Variants in SHE observed in about 807,000 individuals in gnomAD.
The protein encoded by SHE is Src homology 2 domain containing E.
SHE carries 11 observed loss-of-function variants against 49.8 expected under a neutral mutation model. The observed-to-expected ratio is 0.22, with a 90% CI of 0.14 to 0.37. The LOEUF (loss-of-function observed/expected upper bound fraction) is 0.37, where lower values mean the gene tolerates loss of function less well. SHE is among the 10% of genes least tolerant of loss of function. The probability of loss-of-function intolerance (pLI) is 1.00; values close to 1 mark genes in which losing one functional copy is unlikely to be tolerated. For missense variants in SHE, 624 were observed against 655.5 expected, an observed-to-expected ratio of 0.95 and a Z score of 0.52; for synonymous variants, 310 against 278.1, an observed-to-expected ratio of 1.11 and a Z score of -1.14.
Position 154,486,508 on chromosome 1 carries a change from A to G in SHE, c.1181+19T>C, listed in dbSNP as rs1692186837. ...CTCCCAGCTGTTGTCTGTTACAAGG[A>G]TCTGAGGAGGAGACTCACGGCTGCT... On this transcript the variant is annotated intron_variant, in intron 4 of 5. Coordinates refer to ENST00000304760, the MANE Select transcript of SHE (RefSeq NM_001010846.3). The G allele has an allele frequency of 6.2e-7, 1 of 1,613,272 alleles. No homozygotes were observed. The highest frequency in any genetic ancestry group is 1.3e-5 in the African/African-American group (1 of 74,910).
At position 154,482,603 on chromosome 1, in the gene SHE, A is replaced by C; in HGVS notation, c.*1546T>G. 1.0e-6 allele frequency: 1 copy of C among 985,444 alleles called. No homozygotes were observed. The allele number at this position is 985,444 out of a possible 1,614,324, so 61.0% of individuals were successfully genotyped here. On this transcript the variant is annotated 3_prime_UTR_variant, in exon 6 of 6. Transcript: ENST00000304760. ...ATGGGGCAGTTTTGAGACCCAAATG[A>C]CCAACCCCAGAATACAGACACATCT... is the stretch of plus-strand genomic sequence containing the variant.
intron 2 of SHE, among the ~76,000 whole-genome samples, chr1:154,490,827 T>C (rs1465122957): frequency 6.6e-6 from 1 of 151,626 alleles, no homozygotes; most frequent in African/African-American, 2.4e-5. Flanking sequence ...ATAACAATTA[T>C]ATTTGTGTTT....
rs1346360205 is a variant in SHE at position 154,489,125 on chromosome 1, T to C, written c.950A>G (p.Asn317Ser). The C allele has an allele frequency of 6.2e-7, 1 of 1,613,600 alleles. No individual in the cohort carries two copies. The highest frequency in any genetic ancestry group is 1.7e-5 in the Admixed American group (1 of 59,962). Residue 317 changes from asparagine (N) to serine (S), a missense_variant, in exon 3 of 6, where the codon AAC becomes AGC. Asn to Ser is a conservative substitution (Grantham distance 46, BLOSUM62 1). Coordinates refer to ENST00000304760, the MANE Select transcript of SHE (RefSeq NM_001010846.3). The part of the protein sequence containing the change: ...ARPPDSRLPE[N>S]DERPAAEYEQ... ...GTACTCTGCCGCGGGCCTCTCGTCG[T>C]TCTCGGGCAGCCGGCTGTCTGGGGG...
At chr1:154,471,706 T>TGA (rs10633891) in intron 1 of SHE, among the ~76,000 whole-genome samples, 5 of 151,020 alleles carry the variant, frequency 3.3e-5, no homozygotes, top group Non-Finnish European at 5.9e-5. Context: ...TCTCTCTCTC[T>TGA]GTGTGTGTGT....
At chr1:154,486,108 A>G in intron 4 of SHE, 46 bp from the exon 5 acceptor site, 1 of 1,595,540 alleles carries the variant, frequency 6.3e-7, no homozygotes, top group Non-Finnish European at 8.6e-7. Context: ...GAGTGTCAAA[A>G]TACAAATCCA....
chr1:154,501,350 C>T, intron 1 of SHE, 86 bp downstream of exon 1: 9 of 1,294,698 alleles, frequency 7.0e-6, no homozygotes, highest in Non-Finnish European at 8.7e-6. Flanking sequence ...CTCACTGCCT[C>T]TTAGGTCTAA....
intron 3 of SHE, among the ~76,000 whole-genome samples, chr1:154,487,545 CTCAAA>C (rs954616872): frequency 1.3e-5 from 2 of 151,792 alleles, no homozygotes; most frequent in Non-Finnish European, 2.9e-5. Flanking sequence ...GAGATGACAA[CTCAAA>C]TCAAACGAAA....
In SHE at chr1:154,499,677, G is replaced by A. The variant is rs1473645291; in HGVS notation, c.592-439C>T. ...TAATGAGTCAGTCAGTCATCCACCA[G>A]CACTGGCTAGGCACTGTGAAGGAGT... On this transcript the variant is annotated intron_variant, in intron 1 of 5. Coordinates refer to ENST00000304760, the MANE Select transcript of SHE (RefSeq NM_001010846.3). Among the ~76,000 whole-genome samples, 6 of 152,226 alleles carry A rather than the reference G, an allele frequency of 3.9e-5. No homozygotes were observed. The South Asian group carries it at 1.2e-3, about 32-fold the overall frequency.
downstream of SHE, among the ~76,000 whole-genome samples, chr1:154,477,690 A>C (rs868414803): frequency 3.3e-5 from 5 of 152,238 alleles, no homozygotes; most frequent in South Asian, 1.0e-3. Flanking sequence ...CAGGAGTTTG[A>C]GACCAGCCTG....
Position 154,502,202 on chromosome 1 carries a change from G to T in SHE, c.-176C>A. 2.7e-6 allele frequency: 1 copy of T among 369,410 alleles called. No homozygotes were observed. The highest frequency in any genetic ancestry group is 7.1e-5 in the East Asian group (1 of 14,004). 22.9% of individuals were successfully genotyped at this position (369,410 alleles called of 1,614,324 possible). A position where few individuals can be genotyped will look rare whatever the true frequency, so the allele number is the denominator to read the frequency against. On this transcript the variant is annotated 5_prime_UTR_variant, in exon 1 of 6. Transcript: ENST00000304760. Reference sequence around the variant, plus strand: ...GCAGGCGACAGGCACGACGCGCGGGGGGCCCCGCCCGGGCTCGTCTTCAAC... The same window carrying T: ...GCAGGCGACAGGCACGACGCGCGGGTGGCCCCGCCCGGGCTCGTCTTCAAC...
chr1:154,497,136 G>A (rs1465048102), intron 2 of SHE, among the ~76,000 whole-genome samples: 1 of 152,200 alleles, frequency 6.6e-6, no homozygotes, highest in Non-Finnish European at 1.5e-5. Flanking sequence ...CCCACACGGA[G>A]GGCCTTATCT....
chr1:154,502,053 G>A lies in SHE; in HGVS notation c.-27C>T. The A allele has an allele frequency of 1.6e-6, 2 of 1,264,522 alleles. No individual in the cohort carries two copies. Among genetic ancestry groups the A allele is most frequent in the Non-Finnish European group, 2.0e-6 (2 of 1,008,050 alleles). 78.3% of individuals were successfully genotyped at this position (1,264,522 alleles called of 1,614,324 possible). A position where few individuals can be genotyped will look rare whatever the true frequency, so the allele number is the denominator to read the frequency against. On this transcript the variant is annotated 5_prime_UTR_variant, in exon 1 of 6. Coordinates refer to ENST00000304760, the MANE Select transcript of SHE (RefSeq NM_001010846.3). ...CCCCGTGACTGGGGCGCTGGAGGCC[G>A]CGGCGAGGCCCCGCGACGGCTGCTC... is the stretch of plus-strand genomic sequence containing the variant.
At position 154,470,344 on chromosome 1, in the gene SHE, GGA is replaced by G; in HGVS notation, c.119_120del (p.Ser41LeufsTer14). 1 of 1,289,230 alleles carries G rather than the reference GGA, an allele frequency of 7.8e-7. No individual in the cohort carries two copies. Among genetic ancestry groups the G allele is most frequent in the Non-Finnish European group, 1.0e-6 (1 of 988,714 alleles). 79.9% of individuals were successfully genotyped at this position (1,289,230 alleles called of 1,614,324 possible). A position where few individuals can be genotyped will look rare whatever the true frequency, so the allele number is the denominator to read the frequency against. On this transcript the variant is annotated frameshift_variant, in exon 2 of 2. Transcript: ENST00000486773. LOFTEE classifies it high-confidence loss of function. ...ACGGTGCTCTTTCCAGAAGAACTTA[GGA>G]GAGCAGATGGTGATTTCTGTAGAGG...
intron 2 of SHE, among the ~76,000 whole-genome samples, chr1:154,491,145 C>A (rs1021012860): frequency 1.9e-4 from 29 of 152,252 alleles, no homozygotes; most frequent in African/African-American, 5.8e-4. Context: ...CATCAGGAAG[C>A]CTTCAAACCA....
Position 154,489,149 on chromosome 1 carries a change from G to A in SHE, c.926C>T (p.Pro309Leu), listed in dbSNP as rs1692283417. Residue 309 changes from proline (P) to leucine (L), a missense_variant, in exon 3 of 6, where the codon CCC becomes CTC. Pro to Leu is a moderately conservative substitution (Grantham distance 98, BLOSUM62 -3). Transcript: ENST00000304760. The stretch of plus-strand genomic sequence containing the variant: ...GTTCTCGGGCAGCCGGCTGTCTGGG[G>A]GCCGCGCCTTCCCCTCTGCCCTGGG... ...GGPRAEGKAR[P>L]PDSRLPENDE... The A allele has an allele frequency of 1.2e-6, 2 of 1,614,076 alleles. No homozygotes were observed. Among genetic ancestry groups the A allele is most frequent in the East Asian group, 4.5e-5 (2 of 44,882 alleles).
At chr1:154,478,260 T>C (rs939023449), downstream of SHE, among the ~76,000 whole-genome samples, 1 of 152,130 alleles carries the variant, frequency 6.6e-6, no homozygotes, top group African/African-American at 2.4e-5. Flanking sequence ...CAACAAATTA[T>C]ACTGAGCTGA....
intron 2 of SHE, among the ~76,000 whole-genome samples, chr1:154,492,774 G>A (rs1692407341): frequency 6.6e-6 from 1 of 152,176 alleles, no homozygotes; most frequent in Admixed American, 6.5e-5. Flanking sequence ...CAATTTTAAG[G>A]TTTCTAATCA....
At position 154,479,860 on chromosome 1, in the gene SHE, A is replaced by T; in HGVS notation, c.*4289T>A. The T allele has an allele frequency of 1.0e-6, 1 of 985,456 alleles. No homozygotes were observed. The allele number at this position is 985,456 out of a possible 1,614,324, so 61.0% of individuals were successfully genotyped here. On this transcript the variant is annotated 3_prime_UTR_variant, in exon 6 of 6. Transcript: ENST00000304760. Reference sequence around the variant, plus strand: ...GATGATAGTTGTATTAGACTTCAAAACACCCTTTCCGCAGGAAAGGGCATT... The same window carrying T: ...GATGATAGTTGTATTAGACTTCAAATCACCCTTTCCGCAGGAAAGGGCATT...
At chr1:154,490,794 GT>G (rs768931405) in intron 2 of SHE, among the ~76,000 whole-genome samples, 2,475 of 145,028 alleles carry the variant, frequency 0.017, 59 homozygotes, top group African/African-American at 0.054. Context: ...CCATTATAAG[GT>G]TTTTTTTTTT....
Sources: gnomAD v4.1 joint callset for allele counts (sites outside exome capture counted in the v4.1 genomes callset) on GRCh38, gnomAD v4.1.1 for gene constraint, MANE v1.5 for transcripts, NCBI Gene and HGNC (gene_info 2026-07-23, HGNC 2026-07-21) for gene names.